The following CREBBP variants were observed in gnomAD, a reference collection of about 807,000 sequenced individuals.
CREBBP encodes CREB-binding protein.
CREBBP carries 19 observed loss-of-function variants against 265.0 expected under a neutral mutation model. That is an observed-to-expected ratio of 0.07 (90% confidence interval 0.05 to 0.11). CREBBP has a LOEUF of 0.11. CREBBP is among the 10% of genes least tolerant of loss of function. CREBBP has a pLI of 1.00. For missense variants in CREBBP, 2,525 were observed against 3,219.0 expected (o/e 0.78, Z 5.22); for synonymous variants, 1,457 against 1,223.7 (o/e 1.19, Z -3.98).
intron 2 of CREBBP, among the ~76,000 whole-genome samples, chr16:3,812,552 G>C (rs570833138): frequency 1.3e-4 from 19 of 151,342 alleles, no homozygotes; most frequent in Non-Finnish European, 1.6e-4. Context: ...ATAAAGGCAG[G>C]AATGGGAAAG....
rs1451288396 is a variant in CREBBP, at chr16:3,729,015, G to C, written c.6032C>G (p.Pro2011Arg). 1 of 1,592,044 alleles carries C rather than the reference G, an allele frequency of 6.3e-7. No individual in the cohort carries two copies. The highest frequency in any genetic ancestry group is 1.7e-4 in the Middle Eastern group (1 of 6,032). The change falls in exon 31 of 31, where the codon CCC becomes CGC. Residue 2011 changes from proline (P) to arginine (R), a missense_variant. Physicochemically the swap from Pro to Arg is moderately radical, Grantham distance 103. Transcript: ENST00000262367. ...NVPRPNQVSG[P>R]VMPSMPPGQW... Reference sequence around the variant, plus strand: ...CCCGGGAGGCATGCTGGGCATGACGGGCCCGCTCACCTGGTTGGGTCGGGG... The same window carrying C: ...CCCGGGAGGCATGCTGGGCATGACGCGCCCGCTCACCTGGTTGGGTCGGGG...
chr16:3,743,896 G>A (rs546276220), intron 23 of CREBBP, among the ~76,000 whole-genome samples: 1 of 152,174 alleles, frequency 6.6e-6, no homozygotes, highest in Admixed American at 6.5e-5. Flanking sequence ...GGCCAACATG[G>A]TGAAACCCGT....
intron 3 of CREBBP, among the ~76,000 whole-genome samples, chr16:3,804,750 A>G (rs144745941): frequency 2.0e-4 from 30 of 152,374 alleles, no homozygotes; most frequent in Non-Finnish European, 2.9e-4. Flanking sequence ...GTAAGTATGC[A>G]GCACATCTTG....
chr16:3,746,155 G>A (rs922418674), intron 21 of CREBBP, among the ~76,000 whole-genome samples: 3 of 152,168 alleles, frequency 2.0e-5, no homozygotes, highest in Non-Finnish European at 2.9e-5. Flanking sequence ...ATAGGCTGAA[G>A]GGACTGGTGA....
At chr16:3,817,106 C>A (rs577109957) in intron 2 of CREBBP, among the ~76,000 whole-genome samples, 2 of 152,138 alleles carry the variant, frequency 1.3e-5, no homozygotes, top group Non-Finnish European at 2.9e-5. Flanking sequence ...AACAGGCCTT[C>A]GGAGTTGGTT....
chr16:3,764,168 T>C (rs1290234073), intron 16 of CREBBP, among the ~76,000 whole-genome samples: 6 of 152,204 alleles, frequency 3.9e-5, no homozygotes. Context: ...AGATGGGTTC[T>C]TGCTATGTTG....
intron 28 of CREBBP, among the ~76,000 whole-genome samples, chr16:3,733,709 T>G (rs1277568494): frequency 6.6e-6 from 1 of 152,202 alleles, no homozygotes; most frequent in Non-Finnish European, 1.5e-5. Flanking sequence ...TGGCACAATC[T>G]TGGCTCACTG....
intron 2 of CREBBP, among the ~76,000 whole-genome samples, chr16:3,836,433 C>CA (rs564007443): frequency 0.012 from 630 of 52,896 alleles, 2 homozygotes; most frequent in East Asian, 0.024. Flanking sequence ...GACTGTGTCT[C>CA]AAAAAAAAAA....
rs2151319123 is a variant in CREBBP, at chr16:3,731,834, G to A, written c.4832C>T (p.Pro1611Leu). The A allele has an allele frequency of 6.2e-7, 1 of 1,614,224 alleles. No homozygotes were observed. Among genetic ancestry groups the A allele is most frequent in the Non-Finnish European group, 8.5e-7 (1 of 1,180,036 alleles). ...CTGGGACAGGTCATTGGACACGTTG[G>A]GCATGCTGGGCTTCTTCTTGTTGGC... ...SRANKKKPSM[P>L]NVSNDLSQKL... is the part of the protein sequence containing the mutation. The change falls in exon 29 of 31, where the codon CCC (proline) becomes CTC (leucine). Residue 1611 changes from proline (P) to leucine (L), a missense_variant. Transcript: ENST00000262367. The surrounding 1 kb of genome is among the most constrained non-coding windows in gnomAD (Gnocchi z 7.7).
intron 19 of CREBBP, among the ~76,000 whole-genome samples, chr16:3,753,078 A>G (rs889243521): frequency 7.2e-5 from 11 of 152,220 alleles, no homozygotes; most frequent in Admixed American, 2.0e-4. Flanking sequence ...GCTCAAAACT[A>G]TGTCTACAAG....
chr16:3,811,406 C>A (rs962949790), intron 2 of CREBBP, among the ~76,000 whole-genome samples: 3 of 152,200 alleles, frequency 2.0e-5, no homozygotes, highest in Admixed American at 2.0e-4. Context: ...TCCTCCTCAA[C>A]GTGAAGACAA....
intron 2 of CREBBP, among the ~76,000 whole-genome samples, chr16:3,811,313 T>C (rs902433778): frequency 2.0e-5 from 3 of 152,172 alleles, no homozygotes; most frequent in Admixed American, 2.0e-4. Flanking sequence ...TCTACATATA[T>C]GGAAATATTT....
intron 1 of CREBBP, among the ~76,000 whole-genome samples, chr16:3,866,171 C>T (rs1050430411): frequency 3.9e-5 from 6 of 152,142 alleles, no homozygotes; most frequent in Non-Finnish European, 2.9e-5. Context: ...AAGAACTTTT[C>T]GAAAGTATTT....
rs191310822 is a variant in CREBBP at position 3,742,204 on chromosome 16, G to A, written c.3983-1655C>T. 2.0e-5 allele frequency: 3 copies of A among 152,398 alleles called. No individual in the cohort carries two copies. In the East Asian group the frequency reaches 5.8e-4, roughly 29 times the overall value. 9.4% of individuals were successfully genotyped at this position (152,398 alleles called of 1,614,324 possible). A position where few individuals can be genotyped will look rare whatever the true frequency, so the allele number is the denominator to read the frequency against. ...CCACACATGGCTGCATACTCCAGAG[G>A]TGGTCTCAGACAGCACAGGGGTCTA... On this transcript the variant is annotated intron_variant, in intron 23 of 30. Transcript: ENST00000262367.
At chr16:3,800,554 C>T (rs2053692532) in intron 3 of CREBBP, among the ~76,000 whole-genome samples, 1 of 151,834 alleles carries the variant, frequency 6.6e-6, no homozygotes, top group African/African-American at 2.4e-5. Context: ...AGAATAAAGA[C>T]ATTTAAGAAG....
intron 5 of CREBBP, chr16:3,791,287 A>C (rs566660296): frequency 1.3e-5 from 2 of 153,028 alleles, no homozygotes; most frequent in African/African-American, 4.8e-5. Context: ...CCAGAGCCCC[A>C]GGCGGACCTC....
chr16:3,789,299 C>T (rs183112311), intron 5 of CREBBP, among the ~76,000 whole-genome samples: 1 of 152,174 alleles, frequency 6.6e-6, no homozygotes, highest in African/African-American at 2.4e-5. Context: ...TGCACAGGAA[C>T]CCCAGTCCAG....
chr16:3,734,007 T>C (rs2051986612), intron 28 of CREBBP, among the ~76,000 whole-genome samples: 1 of 152,176 alleles, frequency 6.6e-6, no homozygotes, highest in South Asian at 2.1e-4. Context: ...TATAGACAAG[T>C]AATTTTAAAA....
intron 5 of CREBBP, among the ~76,000 whole-genome samples, chr16:3,785,977 T>A (rs1327198726): frequency 2.0e-5 from 3 of 152,164 alleles, no homozygotes; most frequent in African/African-American, 7.2e-5. Flanking sequence ...GCCTATGACC[T>A]ATGAACAAAA....
Sources: gnomAD v4.1 joint callset for allele counts (sites outside exome capture counted in the v4.1 genomes callset) on GRCh38, gnomAD v4.1.1 for gene constraint, Gnocchi (gnomAD v3.1) non-coding constraint, MANE v1.5 for transcripts, NCBI Gene and HGNC (gene_info 2026-07-23, HGNC 2026-07-21) for gene names.